TMCC1: variants seen among roughly 807,000 people sequenced by gnomAD.
TMCC1 encodes the protein transmembrane and coiled-coil domain family 1.
TMCC1 carries 15 observed loss-of-function variants against 52.4 expected under a neutral mutation model. The observed-to-expected ratio is 0.29, with a 90% CI of 0.19 to 0.44. The LOEUF (loss-of-function observed/expected upper bound fraction) is 0.44. Among genes scored for constraint, TMCC1 ranks in the 20% least tolerant of loss-of-function variants. The pLI, the probability that TMCC1 is intolerant of heterozygous loss-of-function variation, is 1.00. For synonymous variants in TMCC1, 279 were observed against 301.9 expected, an observed-to-expected ratio of 0.92 and a Z score of 0.79; for missense variants, 503 against 806.0, an observed-to-expected ratio of 0.62 and a Z score of 4.55.
At chr3:129,663,931 C>T (rs1007428374) in intron 5 of TMCC1, among the ~76,000 whole-genome samples, 1 of 152,114 alleles carries the variant, frequency 6.6e-6, no homozygotes, top group African/African-American at 2.4e-5. Flanking sequence ...TACATTTTTA[C>T]AGAGGGAGAA....
At chr3:129,754,279 C>T (rs1296015753) in intron 4 of TMCC1, among the ~76,000 whole-genome samples, 3 of 152,158 alleles carry the variant, frequency 2.0e-5, no homozygotes, top group African/African-American at 7.2e-5. Flanking sequence ...TACTGGAAGA[C>T]TCAATATTGC....
At chr3:129,721,431 C>A (rs2049575402) in intron 4 of TMCC1, among the ~76,000 whole-genome samples, 1 of 152,074 alleles carries the variant, frequency 6.6e-6, no homozygotes, top group African/African-American at 2.4e-5. Context: ...CTCCACTGCC[C>A]TACCCTGCCC....
In TMCC1 at chr3:129,737,428, C is replaced by T. The variant is rs372134099; in HGVS notation, c.577-66164G>A. On this transcript the variant is annotated intron_variant, in intron 4 of 6. Coordinates refer to ENST00000393238, the MANE Select transcript of TMCC1 (RefSeq NM_001017395.5). ...CCAGGAAGCGGAGGTTGTAGTGAGC[C>T]GAGATCACGCCGCTGCACTCCAGCC... Among the ~76,000 whole-genome samples the T allele has an allele frequency of 2.6e-5, 4 of 151,874 alleles. No homozygotes were observed. In the South Asian group the frequency reaches 6.2e-4, roughly 24 times the overall value.
chr3:129,868,138 G>GA (rs1296817952), intron 2 of TMCC1, among the ~76,000 whole-genome samples: 2 of 9,032 alleles, frequency 2.2e-4, no homozygotes, highest in East Asian at 0.042. Context: ...AGGCAGAGGG[G>GA]GGAAAAACCA....
At chr3:129,814,158 G>T (rs1462620872) in intron 4 of TMCC1, among the ~76,000 whole-genome samples, 1 of 152,058 alleles carries the variant, frequency 6.6e-6, no homozygotes, top group Non-Finnish European at 1.5e-5. Context: ...GAAGACCTGA[G>T]CGTAAGGTTT....
At chr3:129,761,479 G>A (rs2053592961) in intron 4 of TMCC1, among the ~76,000 whole-genome samples, 1 of 151,990 alleles carries the variant, frequency 6.6e-6, no homozygotes, top group African/African-American at 2.4e-5. Context: ...TGCAATCACA[G>A]CTCACTGCAG....
intron 4 of TMCC1, among the ~76,000 whole-genome samples, chr3:129,778,890 A>G (rs2055279136): frequency 6.6e-6 from 1 of 152,254 alleles, no homozygotes; most frequent in Non-Finnish European, 1.5e-5. Flanking sequence ...TTTTTCCTTT[A>G]TAAATTATCC....
intron 2 of TMCC1, among the ~76,000 whole-genome samples, chr3:129,843,192 A>G (rs1439515870): frequency 6.6e-6 from 1 of 151,978 alleles, no homozygotes; most frequent in Non-Finnish European, 1.5e-5. Flanking sequence ...TGAAAATACA[A>G]AAAAATTAGC....
intron 2 of TMCC1, chr3:129,868,816 A>T (rs1018750596): frequency 6.6e-6 from 1 of 152,238 alleles, no homozygotes; most frequent in Non-Finnish European, 1.5e-5. Flanking sequence ...CAAATTGGTG[A>T]CCCTATGGCT....
intron 5 of TMCC1, among the ~76,000 whole-genome samples, chr3:129,665,941 G>A (rs1449429303): frequency 1.3e-5 from 2 of 152,172 alleles, no homozygotes; most frequent in African/African-American, 2.4e-5. Context: ...TCGTGGTAGT[G>A]GCCTTGTCAC....
intron 1 of TMCC1, among the ~76,000 whole-genome samples, chr3:129,887,284 C>T (rs531710989): frequency 6.6e-6 from 1 of 152,044 alleles, no homozygotes; most frequent in South Asian, 2.1e-4. Flanking sequence ...TGGCTCATGC[C>T]TGTAATCCCA....
At chr3:129,677,606 C>G (rs912394219) in intron 4 of TMCC1, among the ~76,000 whole-genome samples, 26 of 152,260 alleles carry the variant, frequency 1.7e-4, no homozygotes, top group African/African-American at 6.0e-4. Context: ...CTATTTATTT[C>G]AAGCAATTGT....
intron 4 of TMCC1, among the ~76,000 whole-genome samples, chr3:129,782,974 A>G (rs953984897): frequency 1.3e-5 from 2 of 152,236 alleles, no homozygotes; most frequent in Non-Finnish European, 2.9e-5. Flanking sequence ...TCCCTTAAGA[A>G]AAGCTATTTT....
intron 1 of TMCC1, among the ~76,000 whole-genome samples, chr3:129,887,542 C>G (rs1225277883): frequency 1.1e-5 from 1 of 91,332 alleles, no homozygotes; most frequent in Non-Finnish European, 2.2e-5. Context: ...CTCCGTCTCT[C>G]AAAAAAAAAA....
chr3:129,781,875 T>C (rs2055561464), intron 4 of TMCC1, among the ~76,000 whole-genome samples: 1 of 152,144 alleles, frequency 6.6e-6, no homozygotes, highest in African/African-American at 2.4e-5. Flanking sequence ...AAAAAGATGG[T>C]AGCAGAGATG....
chr3:129,814,533 T>C (rs530599304), intron 4 of TMCC1, among the ~76,000 whole-genome samples: 7 of 152,268 alleles, frequency 4.6e-5, no homozygotes, highest in Non-Finnish European at 1.0e-4. Context: ...AAAATGGCAG[T>C]ATTAAGCCCT....
chr3:129,682,488 G>C (rs1576431796), intron 4 of TMCC1, among the ~76,000 whole-genome samples: 1 of 152,004 alleles, frequency 6.6e-6, no homozygotes, highest in African/African-American at 2.4e-5. Flanking sequence ...TAGGGTTTCT[G>C]TAGGCCCTTA....
chr3:129,731,136 C>G (rs1306892487), intron 4 of TMCC1, among the ~76,000 whole-genome samples: 2 of 152,140 alleles, frequency 1.3e-5, no homozygotes, highest in Non-Finnish European at 2.9e-5. Flanking sequence ...CATAACCAAG[C>G]AGGGTTTGTA....
chr3:129,810,815 A>G (rs1453973356), intron 4 of TMCC1, among the ~76,000 whole-genome samples: 2 of 152,220 alleles, frequency 1.3e-5, no homozygotes, highest in South Asian at 2.1e-4. Context: ...TTTTATAGAA[A>G]ATAACAATTC....
Sources: allele counts gnomAD v4.1 joint callset (sites outside exome capture counted in the v4.1 genomes callset), GRCh38; gene constraint gnomAD v4.1.1; transcripts MANE v1.5; gene names NCBI Gene and HGNC (gene_info 2026-07-23, HGNC 2026-07-21).